Variants in NFATC4 observed in about 807,000 individuals in gnomAD.
NFATC4 encodes nuclear factor of activated T cells 4, also known as nuclear factor of activated T-cells, cytoplasmic 4.
In NFATC4, 25 loss-of-function variants were observed where a neutral mutation model predicts 73.4. The ratio of observed to expected loss-of-function variants is 0.34; its 90% CI spans 0.25 to 0.48. The LOEUF (loss-of-function observed/expected upper bound fraction) is 0.48, where lower values mean the gene tolerates loss of function less well. Among genes scored for constraint, NFATC4 ranks in the 20% least tolerant of loss-of-function variants. The pLI, the probability that NFATC4 is intolerant of heterozygous loss-of-function variation, is 0.99. For missense variants in NFATC4, 1,130 were observed against 1,203.7 expected, an observed-to-expected ratio of 0.94 and a Z score of 0.91; for synonymous variants, 523 against 510.3, an observed-to-expected ratio of 1.02 and a Z score of -0.34.
chr14:24,367,519 T>C, upstream of NFATC4: 2 of 1,535,446 alleles, frequency 1.3e-6, no homozygotes, highest in South Asian at 1.2e-5. Flanking sequence ...AAAGCCTCTT[T>C]GGCTCGGACT....
intron 1 of NFATC4, 49 bp downstream of exon 1, chr14:24,368,489 G>C: frequency 8.0e-7 from 1 of 1,250,782 alleles, no homozygotes; most frequent in South Asian, 3.8e-5. Flanking sequence ...GAGGAGGGCC[G>C]GGGATCCTGA....
chr14:24,368,115 C>G, upstream of NFATC4: 1 of 1,171,216 alleles, frequency 8.5e-7, no homozygotes, highest in Non-Finnish European at 1.0e-6. Flanking sequence ...TCCCCGGCAG[C>G]CAATCAGGGA....
chr14:24,374,731 C>A (rs2042566137), intron 6 of NFATC4: 1 of 365,494 alleles, frequency 2.7e-6, no homozygotes, highest in Non-Finnish European at 5.1e-6. Flanking sequence ...AGATAATTTA[C>A]CCCCATGTAG....
intron 6 of NFATC4, 50 bp from the exon 7 acceptor site, chr14:24,375,610 G>A: frequency 1.3e-6 from 2 of 1,546,620 alleles, no homozygotes; most frequent in Non-Finnish European, 1.8e-6. Context: ...ACTAGGGCAG[G>A]GGACAGGGGC....
intron 1 of NFATC4, among the ~76,000 whole-genome samples, chr14:24,368,740 C>A (rs926920268): frequency 1.3e-5 from 2 of 151,782 alleles, no homozygotes; most frequent in African/African-American, 4.8e-5. Flanking sequence ...CAGCACCAGG[C>A]GCCGCCAGGG....
chr14:24,368,569 G>A, intron 1 of NFATC4, 129 bp downstream of exon 1: 2 of 991,548 alleles, frequency 2.0e-6, no homozygotes, highest in East Asian at 3.6e-5. Context: ...GGAGTCGGGG[G>A]GACTCGTTGG....
At position 24,377,733 on chromosome 14, in the gene NFATC4, C is replaced by G. The variant is rs372083464; in HGVS notation, c.*28C>G. 3 of 1,614,022 alleles carry G rather than the reference C, an allele frequency of 1.9e-6. No individual in the cohort carries two copies. The highest frequency in any genetic ancestry group is 1.3e-5 in the African/African-American group (1 of 74,938). Reference sequence around the variant, plus strand: ...CACGTGAACTGTCATCACCTGGCAACCCCAGCCCCAGCCTCAGCCCTGCCC... The same window carrying G: ...CACGTGAACTGTCATCACCTGGCAAGCCCAGCCCCAGCCTCAGCCCTGCCC... On this transcript the variant is annotated 3_prime_UTR_variant, in exon 10 of 10. Coordinates refer to ENST00000250373, the MANE Select transcript of NFATC4 (RefSeq NM_004554.5). The surrounding 1 kb of genome is among the most constrained non-coding windows in gnomAD (Gnocchi z 4.2).
In NFATC4 at chr14:24,376,487, C is replaced by T. The variant is rs371559159; in HGVS notation, c.2250C>T (p.Pro750=). The T allele has an allele frequency of 6.2e-7, 1 of 1,613,564 alleles. No individual in the cohort carries two copies. Among genetic ancestry groups the T allele is most frequent in the Admixed American group, 1.7e-5 (1 of 59,942 alleles). The change falls in exon 9 of 10, where the codon CCC becomes CCT. Residue 750 remains proline (P), a synonymous_variant. Transcript: ENST00000250373. This position sits in a 1 kb window ranked among gnomAD's most constrained non-coding sequence, Gnocchi z 5.0. The part of the protein sequence containing the change: ...GFGYGMPPLY[P]QTGPPPSYRP... ...GCTATGGCATGCCCCCTCTGTACCC[C>T]CAGACGGGGCCCCCACCATCCTACA...
chr14:24,367,900 T>C (rs1190492671), upstream of NFATC4: 24 of 1,313,640 alleles, frequency 1.8e-5, no homozygotes, highest in Non-Finnish European at 2.3e-5. Context: ...CTAGGGGAGG[T>C]GGGGGCTGGG....
rs199941427 is a variant in NFATC4, at chr14:24,376,529, G to T, written c.2292G>T (p.Met764Ile). 6.2e-7 allele frequency: 1 copy of T among 1,614,014 alleles called. No homozygotes were observed. The highest frequency in any genetic ancestry group is 8.5e-7 in the Non-Finnish European group (1 of 1,179,982). Residue 764 changes from methionine to isoleucine, a missense_variant, in exon 9 of 10, where the codon ATG (methionine) becomes ATT (isoleucine). By Grantham distance (10) the Met-to-Ile change is conservative. Around this residue, in one of 3 missense-constraint regions of NFATC4, gnomAD observed 390 missense variants for 408.1 expected, o/e 0.96. Coordinates refer to ENST00000250373, the MANE Select transcript of NFATC4 (RefSeq NM_004554.5). The surrounding 1 kb of genome is among the most constrained non-coding windows in gnomAD (Gnocchi z 5.0). Reference sequence around the variant, plus strand: ...CATCCTACAGACCGGGCCTGCGGATGTTCCCTGAGACTAGGGGTACCACAG... The same window carrying T: ...CATCCTACAGACCGGGCCTGCGGATTTTCCCTGAGACTAGGGGTACCACAG... ...PPPSYRPGLR[M>I]FPETRGTTGC...
chr14:24,377,359 C>T lies in NFATC4; in HGVS notation c.2642-279C>T. On this transcript the variant is annotated intron_variant, in intron 9 of 9. Transcript: ENST00000250373. This position sits in a 1 kb window ranked among gnomAD's most constrained non-coding sequence, Gnocchi z 4.2. ...CCCATTGGCTACACCCATCTCTGGCCCTGCTGATACCGATTCCCCTGACAT... is the reference window on the plus strand; with the variant it reads ...CCCATTGGCTACACCCATCTCTGGCTCTGCTGATACCGATTCCCCTGACAT... The T allele has an allele frequency of 2.2e-6, 3 of 1,341,374 alleles. No homozygotes were observed. The highest frequency in any genetic ancestry group is 2.9e-6 in the Non-Finnish European group (3 of 1,046,576). 83.1% of individuals were successfully genotyped at this position (1,341,374 alleles called of 1,614,324 possible).
At chr14:24,370,700 C>CA in intron 2 of NFATC4, 106 bp downstream of exon 2, 1 of 1,439,000 alleles carries the variant, frequency 6.9e-7, no homozygotes, top group South Asian at 1.4e-5. Context: ...CTCTGAATTT[C>CA]AAAAGAGTAT....
intron 5 of NFATC4, 46 bp from the exon 6 acceptor site, chr14:24,374,280 C>A (rs758271884): frequency 3.2e-6 from 5 of 1,570,086 alleles, no homozygotes; most frequent in Non-Finnish European, 3.4e-6. Context: ...GAGGCCACCC[C>A]TCCATGCCCA....
At chr14:24,375,757 G>GCCCCC in intron 7 of NFATC4, 42 bp downstream of exon 7, 1 of 566,436 alleles carries the variant, frequency 1.8e-6, no homozygotes, top group Non-Finnish European at 3.3e-6. Flanking sequence ...GCGGGGGTGG[G>GCCCCC]AGAAGGCAGG....
rs564278195 is a variant in NFATC4 at position 24,369,819 on chromosome 14, G to A, written c.421G>A (p.Gly141Ser). 7 of 1,599,768 alleles carry A rather than the reference G, an allele frequency of 4.4e-6. No homozygotes were observed. The highest frequency in any genetic ancestry group is 2.2e-5 in the South Asian group (2 of 89,706). ...LEDNPDAWGD[G>S]SPRDYPPPEG... ...GGACAACCCTGATGCCTGGGGGGAC[G>A]GCTCTCCTAGAGATTACCCCCCACC... The change falls in exon 2 of 10, where the codon GGC becomes AGC. Residue 141 changes from glycine (G) to serine (S), a missense_variant. Around this residue, in one of 3 missense-constraint regions of NFATC4, gnomAD observed 585 missense variants for 574.3 expected, o/e 1.02. Coordinates refer to ENST00000250373, the MANE Select transcript of NFATC4 (RefSeq NM_004554.5).
At position 24,379,520 on chromosome 14, in the gene NFATC4, C is replaced by T. The variant is rs2139323065; in HGVS notation, c.*1815C>T. On this transcript the variant is annotated 3_prime_UTR_variant, in exon 10 of 10. Coordinates refer to ENST00000250373, the MANE Select transcript of NFATC4 (RefSeq NM_004554.5). ...GCATTGTCAGATATTTATTAAACAGCAGCAAAGTGCCAGCCAATTTGTCCT... is the reference window on the plus strand; with the variant it reads ...GCATTGTCAGATATTTATTAAACAGTAGCAAAGTGCCAGCCAATTTGTCCT... 6.6e-6 allele frequency: 1 copy of T among 152,346 alleles called. No individual in the cohort carries two copies. The highest frequency in any genetic ancestry group is 6.5e-5 in the Admixed American group (1 of 15,308). 9.4% of individuals were successfully genotyped at this position (152,346 alleles called of 1,614,324 possible).
chr14:24,375,029 C>T (rs561475002), intron 6 of NFATC4, among the ~76,000 whole-genome samples: 1 of 152,208 alleles, frequency 6.6e-6, no homozygotes, highest in South Asian at 2.1e-4. Flanking sequence ...GCAATCACGG[C>T]TCACTGCAGC....
intron 2 of NFATC4, 48 bp from the exon 3 acceptor site, chr14:24,372,393 A>T: frequency 6.3e-7 from 1 of 1,595,476 alleles, no homozygotes. Flanking sequence ...TACGGGCCTG[A>T]CTGGGGTCTG....
chr14:24,375,721 A>C lies in NFATC4; in HGVS notation c.1929+6A>C, dbSNP rs1163783864. 2 of 592,714 alleles carry C rather than the reference A, an allele frequency of 3.4e-6. No homozygotes were observed. Among genetic ancestry groups the C allele is most frequent in the African/African-American group, 4.7e-5 (2 of 42,644 alleles). The allele number at this position is 592,714 out of a possible 1,614,324, so 36.7% of individuals were successfully genotyped here. ...ACCGACTGCAGAGCAACGAGGTACC[A>C]GTGTCACTTGGATACCTCCTGGGGG... On this transcript the variant is annotated splice_donor_region_variant and intron_variant, in intron 7 of 9. Coordinates refer to ENST00000250373, the MANE Select transcript of NFATC4 (RefSeq NM_004554.5).
Sources: gnomAD v4.1 joint callset for allele counts (sites outside exome capture counted in the v4.1 genomes callset) on GRCh38, gnomAD v4.1.1 for gene constraint, gnomAD v4.1.1 regional missense constraint, Gnocchi (gnomAD v3.1) non-coding constraint, MANE v1.5 for transcripts, NCBI Gene and HGNC (gene_info 2026-07-23, HGNC 2026-07-21) for gene names.